DLGAP4: variants seen among roughly 807,000 people sequenced by gnomAD.
DLGAP4 encodes DLG associated protein 4, also known as disks large-associated protein 4.
DLGAP4 carries 18 observed loss-of-function variants against 86.9 expected under a neutral mutation model. The observed-to-expected ratio is 0.21, with a 90% CI of 0.14 to 0.31. The LOEUF (loss-of-function observed/expected upper bound fraction) is 0.31, where lower values mean the gene tolerates loss of function less well. Ranked by LOEUF, DLGAP4 falls within the 10% of genes least tolerant of loss-of-function variation. The pLI is 1.00. For missense variants in DLGAP4, 1,085 were observed against 1,362.6 expected (o/e 0.80, Z 3.21); for synonymous variants, 548 against 574.3 (o/e 0.95, Z 0.65).
At chr20:36,355,626 G>A (rs1555893772) in intron 1 of DLGAP4, among the ~76,000 whole-genome samples, 1 of 152,174 alleles carries the variant, frequency 6.6e-6, no homozygotes, top group African/African-American at 2.4e-5. Flanking sequence ...CATCTATGTT[G>A]TTGCATGTAT....
chr20:36,381,149 T>G (rs771297553), intron 2 of DLGAP4, among the ~76,000 whole-genome samples: 4 of 152,266 alleles, frequency 2.6e-5, no homozygotes, highest in African/African-American at 4.8e-5. Context: ...ATTCTACTAC[T>G]CTACCTACAT....
chr20:36,486,870 C>A (rs963482005), intron 7 of DLGAP4, among the ~76,000 whole-genome samples: 2 of 151,988 alleles, frequency 1.3e-5, no homozygotes, highest in African/African-American at 4.8e-5. Flanking sequence ...CGTCAGCCTC[C>A]CATAGTGCTG....
At chr20:36,514,986 G>A (rs1348555161) in intron 10 of DLGAP4, among the ~76,000 whole-genome samples, 3 of 152,244 alleles carry the variant, frequency 2.0e-5, no homozygotes, top group Middle Eastern at 3.4e-3. Context: ...CGCGTAGGAC[G>A]TCTCTGGAGA....
At chr20:36,340,279 CG>C (rs1555892385) in intron 1 of DLGAP4, among the ~76,000 whole-genome samples, 1 of 152,022 alleles carries the variant, frequency 6.6e-6, no homozygotes, top group East Asian at 1.9e-4. Context: ...CTGGCTGTTC[CG>C]GAAGTGGAGA....
At chr20:36,454,629 G>A (rs1267288871) in intron 7 of DLGAP4, among the ~76,000 whole-genome samples, 2 of 152,132 alleles carry the variant, frequency 1.3e-5, no homozygotes, top group African/African-American at 4.8e-5. Context: ...TGTCTCCAAG[G>A]AGTGAGCAAT....
intron 2 of DLGAP4, among the ~76,000 whole-genome samples, chr20:36,370,021 G>T (rs2030861698): frequency 1.3e-5 from 2 of 152,162 alleles, no homozygotes; most frequent in African/African-American, 2.4e-5. Flanking sequence ...AGCCTCATGT[G>T]CAAGGATCGG....
intron 2 of DLGAP4, among the ~76,000 whole-genome samples, chr20:36,383,041 T>C (rs1223289950): frequency 6.6e-6 from 1 of 152,220 alleles, no homozygotes. Flanking sequence ...ACCATCTTAA[T>C]GCACCACAAC....
intron 7 of DLGAP4, among the ~76,000 whole-genome samples, chr20:36,471,423 G>A (rs933445968): frequency 6.6e-6 from 1 of 152,182 alleles, no homozygotes; most frequent in Non-Finnish European, 1.5e-5. Flanking sequence ...GAACCTGGGA[G>A]GCGGAGGTTG....
Position 36,442,795 on chromosome 20 carries a change from T to C in DLGAP4, c.1407+18T>C. On this transcript the variant is annotated intron_variant, in intron 6 of 12. Transcript: ENST00000339266. Reference sequence around the variant, plus strand: ...AGCAGCAGGTCAGTATGTTTGCCCTTCTCTTCCACCCCAATCCCAGAGTGT... The same window carrying C: ...AGCAGCAGGTCAGTATGTTTGCCCTCCTCTTCCACCCCAATCCCAGAGTGT... The C allele has an allele frequency of 6.2e-7, 1 of 1,614,126 alleles. No individual in the cohort carries two copies. The highest frequency in any genetic ancestry group is 8.5e-7 in the Non-Finnish European group (1 of 1,180,004).
At chr20:36,524,208 G>A (rs753163828) in intron 10 of DLGAP4, 42 bp from the exon 11 acceptor site, 2 of 1,536,354 alleles carry the variant, frequency 1.3e-6, no homozygotes, top group Admixed American at 3.3e-5. Flanking sequence ...ACCAAACCCT[G>A]TGCTGTGCTA....
chr20:36,407,561 A>G (rs1268792583), intron 2 of DLGAP4, among the ~76,000 whole-genome samples: 1 of 152,104 alleles, frequency 6.6e-6, no homozygotes, highest in Non-Finnish European at 1.5e-5. Flanking sequence ...GAGAGTCAGA[A>G]GAAAGGGCAT....
At chr20:36,461,449 G>A (rs1324953528) in intron 7 of DLGAP4, 2 of 833,826 alleles carry the variant, frequency 2.4e-6, no homozygotes, top group African/African-American at 1.3e-4. Flanking sequence ...ACTTTAACCC[G>A]GAGCCCCGCC....
rs1426190131 is a variant in DLGAP4, at chr20:36,420,086, T to C, written c.-72-11560T>C. On this transcript the variant is annotated intron_variant, in intron 2 of 12. Coordinates refer to ENST00000339266, the MANE Select transcript of DLGAP4 (RefSeq NM_001365621.2). ...CACACAGCTCTCCCCACTAGCCTGA[T>C]TGGCTTGAGTGGAAAACTTAACTAC... Among the ~76,000 whole-genome samples the C allele has an allele frequency of 5.9e-5, 9 of 152,210 alleles. 1 individual carries two copies. The East Asian group carries it at 7.7e-4, about 13-fold the overall frequency.
At chr20:36,474,512 T>G (rs2034822187) in intron 7 of DLGAP4, among the ~76,000 whole-genome samples, 2 of 152,308 alleles carry the variant, frequency 1.3e-5, no homozygotes, top group South Asian at 4.1e-4. Flanking sequence ...CTGCGGAGAA[T>G]AGGTTGGATA....
intron 4 of DLGAP4, 87 bp from the exon 5 acceptor site, chr20:36,439,667 A>T: frequency 8.7e-7 from 1 of 1,145,282 alleles, no homozygotes; most frequent in Non-Finnish European, 1.3e-6. Flanking sequence ...GGTGTGGACC[A>T]CCTGTGCATC....
chr20:36,447,076 A>G (rs972013316), intron 7 of DLGAP4, 139 bp downstream of exon 7: 1 of 1,435,026 alleles, frequency 7.0e-7, no homozygotes. Context: ...TTGGGAGCAA[A>G]AGCAGGAGGC....
At chr20:36,459,232 T>C (rs2033959885) in intron 7 of DLGAP4, among the ~76,000 whole-genome samples, 1 of 152,208 alleles carries the variant, frequency 6.6e-6, no homozygotes, top group African/African-American at 2.4e-5. Context: ...ACAGTAGATG[T>C]TCCATAAATA....
intron 1 of DLGAP4, among the ~76,000 whole-genome samples, chr20:36,340,820 C>G (rs890652421): frequency 6.6e-6 from 1 of 152,186 alleles, no homozygotes; most frequent in Non-Finnish European, 1.5e-5. Context: ...GCAGGTGCTG[C>G]GATCCAGCGG....
intron 10 of DLGAP4, among the ~76,000 whole-genome samples, chr20:36,519,191 A>C (rs1390953903): frequency 6.6e-6 from 1 of 151,914 alleles, no homozygotes; most frequent in African/African-American, 2.4e-5. Context: ...AGGCAGGAGG[A>C]TTGCGCACGC....
Sources: gnomAD v4.1 joint callset for allele counts (sites outside exome capture counted in the v4.1 genomes callset) on GRCh38, gnomAD v4.1.1 for gene constraint, MANE v1.5 for transcripts, NCBI Gene and HGNC (gene_info 2026-07-23, HGNC 2026-07-21) for gene names.